The following NPAS3 variants were observed in gnomAD, a reference collection of about 807,000 sequenced individuals.
NPAS3 encodes neuronal PAS domain protein 3.
A neutral mutation model predicts 73.1 loss-of-function variants in NPAS3; 14 were observed. The observed-to-expected ratio is 0.19, with a 90% CI of 0.13 to 0.30. NPAS3 has a LOEUF of 0.30. Ranked by LOEUF, NPAS3 falls within the 10% of genes least tolerant of loss-of-function variation. NPAS3 has a pLI of 1.00. For missense variants in NPAS3, 1,096 were observed against 1,250.0 expected, an observed-to-expected ratio of 0.88 and a Z score of 1.86; for synonymous variants, 620 against 541.5, an observed-to-expected ratio of 1.14 and a Z score of -2.01.
At chr14:33,605,106 C>A (rs528713793) in intron 5 of NPAS3, among the ~76,000 whole-genome samples, 3 of 151,506 alleles carry the variant, frequency 2.0e-5, no homozygotes, top group South Asian at 2.1e-4. Flanking sequence ...GAAATAGAAA[C>A]CAATAGAGAA....
At chr14:33,049,718 C>T (rs184404562) in intron 1 of NPAS3, among the ~76,000 whole-genome samples, 169 of 152,276 alleles carry the variant, frequency 1.1e-3, no homozygotes, top group African/African-American at 1.1e-3. Flanking sequence ...TAGCTAGTAG[C>T]GGCAGAGCTC....
chr14:33,189,929 C>T (rs2046110798), intron 2 of NPAS3, among the ~76,000 whole-genome samples: 1 of 152,060 alleles, frequency 6.6e-6, no homozygotes, highest in South Asian at 2.1e-4. Flanking sequence ...GTCAAATAGC[C>T]AAACCCAAAC....
intron 2 of NPAS3, among the ~76,000 whole-genome samples, chr14:33,154,696 A>G (rs1163503174): frequency 1.3e-5 from 2 of 152,252 alleles, no homozygotes; most frequent in African/African-American, 4.8e-5. Flanking sequence ...TGTTCCCCTT[A>G]GAAAAGGATT....
chr14:33,703,485 C>A (rs997783283), intron 6 of NPAS3, among the ~76,000 whole-genome samples: 4 of 152,090 alleles, frequency 2.6e-5, no homozygotes, highest in African/African-American at 9.7e-5. Context: ...CAGAGCAAGA[C>A]CCTGTCTCTT....
chr14:33,463,614 A>G (rs1023552769), intron 4 of NPAS3, among the ~76,000 whole-genome samples: 8 of 152,198 alleles, frequency 5.3e-5, no homozygotes, highest in African/African-American at 1.9e-4. Context: ...CCTTGAACCT[A>G]ACATTTCTGA....
At chr14:33,395,206 C>G (rs1160905418) in intron 4 of NPAS3, among the ~76,000 whole-genome samples, 1 of 152,048 alleles carries the variant, frequency 6.6e-6, no homozygotes, top group Non-Finnish European at 1.5e-5. Context: ...GAGTTATTAT[C>G]ATTGTTTTGC....
chr14:33,730,230 A>G (rs549004400), intron 6 of NPAS3, among the ~76,000 whole-genome samples: 1 of 152,326 alleles, frequency 6.6e-6, no homozygotes, highest in African/African-American at 2.4e-5. Flanking sequence ...AAATAAGTAC[A>G]TAAATAACTG....
intron 1 of NPAS3, among the ~76,000 whole-genome samples, chr14:32,965,793 C>T (rs1173357201): frequency 6.6e-6 from 1 of 152,096 alleles, no homozygotes; most frequent in African/African-American, 2.4e-5. Context: ...ATGACATGAT[C>T]TTGTATATAG....
At chr14:33,505,136 G>A (rs2139953131) in intron 4 of NPAS3, among the ~76,000 whole-genome samples, 1 of 152,104 alleles carries the variant, frequency 6.6e-6, no homozygotes. Context: ...AGCATTCTCA[G>A]TATTTTTGGC....
intron 4 of NPAS3, among the ~76,000 whole-genome samples, chr14:33,540,315 A>G (rs2054454238): frequency 2.0e-5 from 3 of 152,144 alleles, no homozygotes; most frequent in South Asian, 2.1e-4. Flanking sequence ...CCCAATACCT[A>G]TGCTTTGTTC....
chr14:33,799,068 C>T (rs1355832485), intron 11 of NPAS3, among the ~76,000 whole-genome samples: 10 of 151,798 alleles, frequency 6.6e-5, no homozygotes, highest in South Asian at 2.1e-4. Context: ...TCGTTTGAGC[C>T]GGGGAGGGCA....
At chr14:33,263,854 T>C (rs2049067996) in intron 3 of NPAS3, among the ~76,000 whole-genome samples, 1 of 152,198 alleles carries the variant, frequency 6.6e-6, no homozygotes, top group African/African-American at 2.4e-5. Context: ...GTAAGTTGGA[T>C]TCCTAGGTAT....
chr14:33,578,044 G>A (rs1020656772), intron 5 of NPAS3, among the ~76,000 whole-genome samples: 11 of 152,204 alleles, frequency 7.2e-5, no homozygotes, highest in African/African-American at 1.4e-4. Context: ...CTTCTGGGCC[G>A]TAGAAAACTG....
At chr14:33,676,418 G>A (rs2059768705) in intron 6 of NPAS3, 33 bp downstream of exon 6, 3 of 1,518,076 alleles carry the variant, frequency 2.0e-6, no homozygotes, top group African/African-American at 1.4e-5. Flanking sequence ...GTGGGTTGGT[G>A]GGCAGGACCT....
At chr14:33,014,533 A>G in intron 1 of NPAS3, among the ~76,000 whole-genome samples, 1 of 152,210 alleles carries the variant, frequency 6.6e-6, no homozygotes, top group East Asian at 1.9e-4. Flanking sequence ...ATAGTCTTTG[A>G]AATGTGATGT....
chr14:33,147,725 TAA>T (rs72264623), intron 2 of NPAS3, among the ~76,000 whole-genome samples: 4 of 91,638 alleles, frequency 4.4e-5, no homozygotes, highest in African/African-American at 2.0e-4. Flanking sequence ...TAAAGTAGAA[TAA>T]AAAATATATA....
rs546886173 is a variant in NPAS3 at position 33,184,791 on chromosome 14, A to G, written c.141-30391A>G. 2.0e-5 allele frequency among the ~76,000 whole-genome samples: 3 copies of G among 152,284 alleles called. No individual in the cohort carries two copies. The South Asian group carries it at 6.2e-4, about 32-fold the overall frequency. On this transcript the variant is annotated intron_variant, in intron 2 of 11. Transcript: ENST00000356141. Reference sequence around the variant, plus strand: ...TCTGATGTGGACAGTGGGTGGTGCCATTTAACAAGGATAGGCACCAGTGGG... The same window carrying G: ...TCTGATGTGGACAGTGGGTGGTGCCGTTTAACAAGGATAGGCACCAGTGGG...
At chr14:33,483,454 A>G (rs1201346123) in intron 4 of NPAS3, among the ~76,000 whole-genome samples, 1 of 152,202 alleles carries the variant, frequency 6.6e-6, no homozygotes, top group Non-Finnish European at 1.5e-5. Context: ...GAACCACGAA[A>G]TGCGTCTGAT....
intron 2 of NPAS3, among the ~76,000 whole-genome samples, chr14:33,123,861 C>CT (rs35332896): frequency 1.3e-3 from 104 of 81,162 alleles, no homozygotes; most frequent in Admixed American, 2.6e-3. Context: ...TTCTTTCTTT[C>CT]TTTTTTTTTT....
Sources: gnomAD v4.1 joint callset for allele counts (sites outside exome capture counted in the v4.1 genomes callset) on GRCh38, gnomAD v4.1.1 for gene constraint, MANE v1.5 for transcripts, NCBI Gene and HGNC (gene_info 2026-07-23, HGNC 2026-07-21) for gene names.